Variants in LGR4 observed in about 807,000 individuals in gnomAD.
LGR4 encodes the protein leucine rich repeat containing G protein-coupled receptor 4, also known as leucine-rich repeat-containing G protein-coupled receptor 4.
LGR4 carries 44 observed loss-of-function variants against 84.8 expected under a neutral mutation model. The ratio of observed to expected loss-of-function variants is 0.52; its 90% CI spans 0.41 to 0.67. LGR4 has a LOEUF of 0.67. Ranked by LOEUF, LGR4 falls within the 30% of genes least tolerant of loss-of-function variation. The pLI, the probability that LGR4 is intolerant of heterozygous loss-of-function variation, is 0.00. For synonymous variants in LGR4, 429 were observed against 434.3 expected (o/e 0.99, Z 0.15); for missense variants, 1,032 against 1,131.4 (o/e 0.91, Z 1.26).
chr11:27,395,848 T>C (rs1863381466), intron 2 of LGR4, among the ~76,000 whole-genome samples: 2 of 152,216 alleles, frequency 1.3e-5, no homozygotes, highest in South Asian at 4.1e-4. Flanking sequence ...CTTCACATGT[T>C]GCTTATTTTA....
chr11:27,376,699 G>T (rs1277785115), intron 12 of LGR4, among the ~76,000 whole-genome samples: 1 of 152,122 alleles, frequency 6.6e-6, no homozygotes, highest in Non-Finnish European at 1.5e-5. Context: ...GGAAGATGAT[G>T]CAGGGAGAAA....
At chr11:27,396,357 C>A (rs1027980488) in intron 2 of LGR4, among the ~76,000 whole-genome samples, 2 of 152,130 alleles carry the variant, frequency 1.3e-5, no homozygotes, top group African/African-American at 2.4e-5. Flanking sequence ...GAGCCCAGAA[C>A]TGCAGTTACG....
intron 2 of LGR4, among the ~76,000 whole-genome samples, chr11:27,401,864 G>C (rs1225668052): frequency 6.6e-6 from 1 of 152,140 alleles, no homozygotes; most frequent in African/African-American, 2.4e-5. Context: ...AGAGTTGAGG[G>C]GATAAGTACA....
intron 2 of LGR4, among the ~76,000 whole-genome samples, chr11:27,397,052 C>T (rs1295023845): frequency 6.6e-6 from 1 of 152,140 alleles, no homozygotes; most frequent in Non-Finnish European, 1.5e-5. Flanking sequence ...TGTCTCAAAC[C>T]ACTTAATCTG....
At chr11:27,412,125 A>G (rs945571694) in intron 2 of LGR4, among the ~76,000 whole-genome samples, 8 of 152,136 alleles carry the variant, frequency 5.3e-5, no homozygotes, top group African/African-American at 1.7e-4. Flanking sequence ...GAAAGTGCCT[A>G]TTTTGATTAT....
chr11:27,459,258 C>T (rs1864631395), intron 1 of LGR4, among the ~76,000 whole-genome samples: 1 of 152,152 alleles, frequency 6.6e-6, no homozygotes, highest in African/African-American at 2.4e-5. Flanking sequence ...AAATCATCAA[C>T]TTCTGTCTGT....
At position 27,428,419 on chromosome 11, in the gene LGR4, G is replaced by A. The variant is rs147166830; in HGVS notation, c.186-15559C>T. Among the ~76,000 whole-genome samples, 730 of 152,274 alleles carry A rather than the reference G, an allele frequency of 4.8e-3. 2 individuals carry two copies. Among genetic ancestry groups the A allele is most frequent in the Non-Finnish European group, 7.4e-3 (505 of 68,028 alleles). On this transcript the variant is annotated intron_variant, in intron 1 of 17. Transcript: ENST00000379214. The stretch of plus-strand genomic sequence containing the variant: ...CTCCCAAAGTACTGGGATTACAGGC[G>A]TGAGCCACCACGCCCGGCCTATCTT...
chr11:27,373,358 G>C (rs780193520), intron 15 of LGR4, 193 bp downstream of exon 15: 16 of 477,194 alleles, frequency 3.4e-5, no homozygotes, highest in Non-Finnish European at 5.8e-5. Flanking sequence ...AAGGGCTCCA[G>C]TTCACATTCT....
At chr11:27,374,069 T>C (rs185260986) in intron 13 of LGR4, 23 bp from the exon 14 acceptor site, 178 of 1,517,060 alleles carry the variant, frequency 1.2e-4, no homozygotes, top group Admixed American at 2.0e-4. Context: ...GAGTAACATG[T>C]TAATCTTTCA....
At chr11:27,457,729 T>C (rs981686471) in intron 1 of LGR4, among the ~76,000 whole-genome samples, 2 of 152,212 alleles carry the variant, frequency 1.3e-5, no homozygotes, top group African/African-American at 4.8e-5. Flanking sequence ...ATGGTGGCTT[T>C]ATTTATAATA....
At position 27,368,916 on chromosome 11, in the gene LGR4, C is replaced by T. The variant is rs377568358; in HGVS notation, c.1807G>A (p.Gly603Ser). ...CAAATGCCAAATTCAGCGAATCTGC[C>T]CCAGGACACAGCATCAAGAAAAGTT... The part of the protein sequence containing the change: ...ILTFLDAVSW[G>S]RFAEFGIWWE... Residue 603 changes from glycine (G) to serine (S), a missense_variant, in exon 18 of 18, where the codon GGC becomes AGC. Transcript: ENST00000379214. 1 of 1,613,960 alleles carries T rather than the reference C, an allele frequency of 6.2e-7. No individual in the cohort carries two copies. The highest frequency in any genetic ancestry group is 8.5e-7 in the Non-Finnish European group (1 of 1,180,024).
At chr11:27,400,788 C>T (rs183875613) in intron 2 of LGR4, among the ~76,000 whole-genome samples, 27 of 152,228 alleles carry the variant, frequency 1.8e-4, no homozygotes, top group African/African-American at 5.5e-4. Context: ...TGAGCCACCG[C>T]GCCTGGCCTG....
At chr11:27,423,985 G>C (rs551190232) in intron 1 of LGR4, among the ~76,000 whole-genome samples, 1 of 152,300 alleles carries the variant, frequency 6.6e-6, no homozygotes, top group South Asian at 2.1e-4. Flanking sequence ...GCAGAACATA[G>C]TTTTCTGTCC....
At chr11:27,384,698 A>G (rs1260918050) in intron 5 of LGR4, among the ~76,000 whole-genome samples, 3 of 152,258 alleles carry the variant, frequency 2.0e-5, no homozygotes, top group East Asian at 3.8e-4. Flanking sequence ...TCATATCAAA[A>G]TAAAGTTTTG....
rs1002023141 is a variant in LGR4, at chr11:27,446,952, G to A, written c.185+25166C>T. Among the ~76,000 whole-genome samples, 49 of 151,588 alleles carry A rather than the reference G, an allele frequency of 3.2e-4. 1 individual carries two copies. Among genetic ancestry groups the A allele is most frequent in the African/African-American group, 1.1e-3 (46 of 41,324 alleles). Reference sequence around the variant, plus strand: ...TCGCAAGGACAGAAAACCAAACACCGCATGTTCTCACTCATAGGTGGGAAC... The same window carrying A: ...TCGCAAGGACAGAAAACCAAACACCACATGTTCTCACTCATAGGTGGGAAC... On this transcript the variant is annotated intron_variant, in intron 1 of 17. Transcript: ENST00000379214.
chr11:27,426,505 C>A (rs1469816507), intron 1 of LGR4, among the ~76,000 whole-genome samples: 3 of 152,162 alleles, frequency 2.0e-5, no homozygotes, highest in African/African-American at 7.2e-5. Flanking sequence ...CCCAAGCCAG[C>A]CCAAGAGCCT....
intron 4 of LGR4, among the ~76,000 whole-genome samples, chr11:27,388,891 T>C (rs1387895117): frequency 6.6e-6 from 1 of 152,152 alleles, no homozygotes; most frequent in Non-Finnish European, 1.5e-5. Flanking sequence ...AATTATGACA[T>C]GTCATTTTAA....
At chr11:27,381,589 G>A (rs114724048) in intron 7 of LGR4, among the ~76,000 whole-genome samples, 2,111 of 152,238 alleles carry the variant, frequency 0.014, 46 homozygotes, top group African/African-American at 0.048. Context: ...AGCTAAGATG[G>A]GAGGATCACC....
chr11:27,405,885 G>A (rs1863598132), intron 2 of LGR4, among the ~76,000 whole-genome samples: 1 of 152,056 alleles, frequency 6.6e-6, no homozygotes, highest in African/African-American at 2.4e-5. Flanking sequence ...TCTGCTATGA[G>A]ACTACATTTA....
Sources: allele counts gnomAD v4.1 joint callset (sites outside exome capture counted in the v4.1 genomes callset), GRCh38; gene constraint gnomAD v4.1.1; transcripts MANE v1.5; gene names NCBI Gene and HGNC (gene_info 2026-07-23, HGNC 2026-07-21).